Variants in RGPD8 observed in about 807,000 individuals in gnomAD.
RGPD8 encodes RANBP2-like and GRIP domain-containing protein 8.
In RGPD8, 15 loss-of-function variants were observed where a neutral mutation model predicts 89.1. The observed-to-expected ratio is 0.17, with a 90% CI of 0.11 to 0.26. RGPD8 has a LOEUF of 0.26. Ranked by LOEUF, RGPD8 falls within the 10% of genes least tolerant of loss-of-function variation. The pLI, the probability that RGPD8 is intolerant of heterozygous loss-of-function variation, is 1.00. For missense variants in RGPD8, 178 were observed against 1,179.6 expected, an observed-to-expected ratio of 0.15 and a Z score of 12.44; for synonymous variants, 62 against 420.9, an observed-to-expected ratio of 0.15 and a Z score of 10.44.
chr2:112,387,509 G>A (rs1262645018), intron 20 of RGPD8, among the ~76,000 whole-genome samples: 5 of 132,130 alleles, frequency 3.8e-5, no homozygotes, highest in South Asian at 2.6e-4. Flanking sequence ...TTATAGGCAC[G>A]CACCACCATG....
intron 1 of RGPD8, among the ~76,000 whole-genome samples, chr2:112,425,908 C>A (rs969662056): frequency 2.6e-5 from 4 of 152,118 alleles, no homozygotes; most frequent in Non-Finnish European, 5.9e-5. Flanking sequence ...TGCCATCAAT[C>A]GAAACATGTT....
intron 7 of RGPD8, among the ~76,000 whole-genome samples, chr2:112,411,623 G>A (rs1321335557): frequency 1.6e-5 from 1 of 63,180 alleles, no homozygotes; most frequent in Non-Finnish European, 2.7e-5. Context: ...CAGGCGCAGT[G>A]CCTCGCGCCT....
In RGPD8 at chr2:112,433,425, C is replaced by A. The variant is rs1208452529; in HGVS notation, c.29G>T (p.Arg10Leu). 4.4e-5 allele frequency: 71 copies of A among 1,609,968 alleles called. 1 individual carries two copies. The highest frequency in any genetic ancestry group is 5.9e-5 in the Non-Finnish European group (69 of 1,179,060). The change falls in exon 1 of 23, where the codon CGG becomes CTG. Residue 10 changes from arginine (R) to leucine (L), a missense_variant. Coordinates refer to ENST00000302558, the MANE Select transcript of RGPD8 (RefSeq NM_001164463.1). The stretch of plus-strand genomic sequence containing the variant: ...GAGACCCAGCACCGAGGCGACGTAC[C>A]GCTCCACATCGGCCTTGCTGCGCCT... Reference protein sequence around the residue: MRRSKADVERYVASVLGLTP... With the variant: MRRSKADVELYVASVLGLTP...
At chr2:112,410,872 G>A (rs1429573438) in intron 7 of RGPD8, among the ~76,000 whole-genome samples, 1 of 152,284 alleles carries the variant, frequency 6.6e-6, no homozygotes, top group Admixed American at 6.5e-5. Context: ...GATCACCTGA[G>A]TTCAGGAGCT....
intron 1 of RGPD8, chr2:112,432,573 C>G (rs1329796513): frequency 8.1e-6 from 8 of 985,292 alleles, no homozygotes; most frequent in Non-Finnish European, 9.6e-6. Flanking sequence ...GGAGCTGCGT[C>G]AGTCCCCACT....
chr2:112,426,284 G>A (rs1679764096), intron 1 of RGPD8, among the ~76,000 whole-genome samples: 1 of 152,182 alleles, frequency 6.6e-6, no homozygotes, highest in Non-Finnish European at 1.5e-5. Context: ...CAACTGATCT[G>A]ATAACTGAGG....
intron 21 of RGPD8, among the ~76,000 whole-genome samples, chr2:112,379,608 G>A (rs1217366291): frequency 6.4e-5 from 6 of 93,842 alleles, no homozygotes; most frequent in East Asian, 3.6e-4. Flanking sequence ...AAAAAAACAA[G>A]AAAATATAAC....
intron 1 of RGPD8, among the ~76,000 whole-genome samples, chr2:112,431,793 C>G (rs745582913): frequency 6.6e-6 from 1 of 152,160 alleles, no homozygotes. Context: ...TGCGCCACCA[C>G]GTCCGGCTAA....
intron 1 of RGPD8, among the ~76,000 whole-genome samples, chr2:112,431,127 G>A (rs1349522254): frequency 6.6e-6 from 1 of 152,086 alleles, no homozygotes; most frequent in Non-Finnish European, 1.5e-5. Flanking sequence ...GGTGTGGTGG[G>A]TACACCTGTG....
chr2:112,427,099 C>T (rs955024982), intron 1 of RGPD8, among the ~76,000 whole-genome samples: 3 of 151,930 alleles, frequency 2.0e-5, no homozygotes, highest in Non-Finnish European at 2.9e-5. Flanking sequence ...CCGGCCAGTT[C>T]CCCCTTTTCA....
chr2:112,387,423 T>C (rs1286474830), intron 20 of RGPD8, among the ~76,000 whole-genome samples: 2 of 143,658 alleles, frequency 1.4e-5, no homozygotes, highest in East Asian at 3.9e-4. Context: ...GTAAGTGGCA[T>C]GATTTCAGCT....
rs562977566 is a variant in RGPD8, at chr2:112,433,296, G to A, written c.72+86C>T. The A allele has an allele frequency of 9.8e-5, 142 of 1,447,018 alleles. 1 individual carries two copies. The African/African-American group carries it at 1.9e-3, about 20-fold the overall frequency. 89.6% of individuals were successfully genotyped at this position (1,447,018 alleles called of 1,614,324 possible). ...GCGCCCGTCGGGAGCCATGACCCCT[G>A]ACCCATCGAGGCCGCCGCCGGGCCG... is the stretch of plus-strand genomic sequence containing the variant. On this transcript the variant is annotated intron_variant, in intron 1 of 22. Coordinates refer to ENST00000302558, the MANE Select transcript of RGPD8 (RefSeq NM_001164463.1).
At chr2:112,410,237 G>A (rs201327128) in intron 7 of RGPD8, among the ~76,000 whole-genome samples, 3 of 142,220 alleles carry the variant, frequency 2.1e-5, no homozygotes, top group Non-Finnish European at 4.4e-5. Context: ...GCAGTGAGCC[G>A]AGGTCGTGCC....
chr2:112,422,506 T>C (rs1679598220), intron 3 of RGPD8, 42 bp downstream of exon 3: 1 of 1,604,086 alleles, frequency 6.2e-7, no homozygotes, highest in South Asian at 1.1e-5. Context: ...GGGCATCATG[T>C]GTTTGGCTAT....
rs1679094804 is a variant in RGPD8, at chr2:112,409,813, C to T, written c.978+2618G>A. Among the ~76,000 whole-genome samples, 3 of 144,436 alleles carry T rather than the reference C, an allele frequency of 2.1e-5. No homozygotes were observed. In the South Asian group the frequency reaches 6.4e-4, roughly 31 times the overall value. 94.8% of individuals were successfully genotyped at this position (144,436 alleles called of 152,430 possible). A position where few individuals can be genotyped will look rare whatever the true frequency, so the allele number is the denominator to read the frequency against. ...AGTGAGACTCTGCCTCCCAAAACTA[C>T]ATATCAAAAAATTTTAGGCTGTGCG... On this transcript the variant is annotated intron_variant, in intron 7 of 22. Coordinates refer to ENST00000302558, the MANE Select transcript of RGPD8 (RefSeq NM_001164463.1).
chr2:112,382,737 T>TA (rs1678363813), intron 20 of RGPD8, among the ~76,000 whole-genome samples: 2 of 141,830 alleles, frequency 1.4e-5, no homozygotes, highest in African/African-American at 2.6e-5. Flanking sequence ...TATCAAATGA[T>TA]AAGAGTAGAG....
intron 18 of RGPD8, among the ~76,000 whole-genome samples, chr2:112,391,628 A>G (rs1166535798): frequency 7.6e-6 from 1 of 131,986 alleles, no homozygotes; most frequent in Non-Finnish European, 1.6e-5. Flanking sequence ...ATACAGATGT[A>G]CAAACTGTCT....
chr2:112,427,685 C>T (rs2104837534), intron 1 of RGPD8, among the ~76,000 whole-genome samples: 1 of 152,356 alleles, frequency 6.6e-6, no homozygotes, highest in East Asian at 1.9e-4. Context: ...GAGTCTCACC[C>T]TGTCGCCCAT....
intron 7 of RGPD8, among the ~76,000 whole-genome samples, chr2:112,410,869 T>C (rs1173026056): frequency 6.6e-6 from 1 of 152,292 alleles, no homozygotes; most frequent in Non-Finnish European, 1.5e-5. Context: ...GCAGATCACC[T>C]GAGTTCAGGA....
Sources: allele counts gnomAD v4.1 joint callset (sites outside exome capture counted in the v4.1 genomes callset), GRCh38; gene constraint gnomAD v4.1.1; transcripts MANE v1.5; gene names NCBI Gene and HGNC (gene_info 2026-07-23, HGNC 2026-07-21).